Variants in ZDHHC14 observed in about 807,000 individuals in gnomAD.
The protein encoded by ZDHHC14 is zDHHC palmitoyltransferase 14.
A neutral mutation model predicts 47.7 loss-of-function variants in ZDHHC14; 16 were observed. That is an observed-to-expected ratio of 0.34 (90% CI 0.23 to 0.51). The LOEUF (loss-of-function observed/expected upper bound fraction) is 0.51, where lower values mean the gene tolerates loss of function less well. Among genes scored for constraint, ZDHHC14 ranks in the 20% least tolerant of loss-of-function variants. The pLI is 0.97. For missense variants in ZDHHC14, 515 were observed against 662.5 expected (o/e 0.78, Z 2.44); for synonymous variants, 293 against 278.9 (o/e 1.05, Z -0.50).
At chr6:157,567,433 G>A (rs1374396069) in intron 2 of ZDHHC14, among the ~76,000 whole-genome samples, 1 of 152,180 alleles carries the variant, frequency 6.6e-6, no homozygotes, top group Non-Finnish European at 1.5e-5. Flanking sequence ...TGTGGTTGCG[G>A]GCTTGGTTCA....
Position 157,672,850 on chromosome 6 carries a change from ACGCCCTGCGCCAGCCTCACACTGGGCC to A in ZDHHC14, c.1201_1227del (p.Cys401_Pro409del), listed in dbSNP as rs1337034260. 1 of 1,610,078 alleles carries A rather than the reference ACGCCCTGCGCCAGCCTCACACTGGGCC, an allele frequency of 6.2e-7. No homozygotes were observed. The highest frequency in any genetic ancestry group is 8.5e-7 in the Non-Finnish European group (1 of 1,178,954). The stretch of plus-strand genomic sequence containing the variant: ...CCTGCCCGGGAAGCCTGGCCTGGGC[ACGCCCTGCGCCAGCCTCACACTGGGCC>A]CGCCCACACCGCCCGCCTCCATGCC... On this transcript the variant is annotated inframe_deletion, in exon 9 of 9. Transcript: ENST00000359775.
chr6:157,645,860 G>A (rs544067425), intron 6 of ZDHHC14, 21 bp downstream of exon 6: 38 of 1,605,764 alleles, frequency 2.4e-5, no homozygotes, highest in Non-Finnish European at 3.2e-5. Context: ...GACCACACGG[G>A]ACACGGGCGT....
At chr6:157,607,545 T>A (rs562925777) in intron 3 of ZDHHC14, among the ~76,000 whole-genome samples, 9 of 152,172 alleles carry the variant, frequency 5.9e-5, no homozygotes, top group Non-Finnish European at 1.3e-4. Context: ...CTGCCTGGCC[T>A]GGGGTTTTCT....
chr6:157,607,514 A>G (rs35215373), intron 3 of ZDHHC14, among the ~76,000 whole-genome samples: 99,393 of 152,080 alleles, frequency 0.65, 32,727 homozygotes, highest in South Asian at 0.8. Flanking sequence ...GGTAGGGAGG[A>G]AGGACCACCT....
At chr6:157,665,921 C>G (rs958237087) in intron 8 of ZDHHC14, among the ~76,000 whole-genome samples, 2 of 152,128 alleles carry the variant, frequency 1.3e-5, no homozygotes, top group African/African-American at 4.8e-5. Flanking sequence ...ATCTGAACTC[C>G]TATGAAATTT....
intron 2 of ZDHHC14, among the ~76,000 whole-genome samples, chr6:157,577,329 G>T (rs1176355443): frequency 6.6e-6 from 1 of 152,160 alleles, no homozygotes; most frequent in Non-Finnish European, 1.5e-5. Context: ...GAACATACAT[G>T]TGCATGTGTC....
chr6:157,391,965 T>C (rs1777427147), intron 1 of ZDHHC14, among the ~76,000 whole-genome samples: 2 of 152,374 alleles, frequency 1.3e-5, no homozygotes, highest in South Asian at 4.1e-4. Context: ...ATGCCCAGTT[T>C]ATTCGTCTCT....
At chr6:157,438,474 A>G (rs961063333) in intron 1 of ZDHHC14, among the ~76,000 whole-genome samples, 1 of 152,242 alleles carries the variant, frequency 6.6e-6, no homozygotes, top group Non-Finnish European at 1.5e-5. Flanking sequence ...TGCCACGTGC[A>G]GACATCTCTA....
chr6:157,537,492 C>T (rs1245594610), intron 1 of ZDHHC14, among the ~76,000 whole-genome samples: 3 of 152,106 alleles, frequency 2.0e-5, no homozygotes, highest in Non-Finnish European at 2.9e-5. Flanking sequence ...TTTTAGTATC[C>T]GGTGCTAAAT....
At chr6:157,447,095 A>T (rs992440302) in intron 1 of ZDHHC14, among the ~76,000 whole-genome samples, 5 of 152,074 alleles carry the variant, frequency 3.3e-5, no homozygotes, top group African/African-American at 1.2e-4. Context: ...TTCAGCCCGG[A>T]TGATGTGATG....
In ZDHHC14 at chr6:157,593,177, AG is replaced by A. The variant is rs1249508012; in HGVS notation, c.565+32del. Reference sequence around the variant, plus strand: ...TAGTGCCTGGGCGGAGCCTGGCGGGAGCCCGGGTCCTCCGGGTGGGTTTGCG... The same window carrying A: ...TAGTGCCTGGGCGGAGCCTGGCGGGACCCGGGTCCTCCGGGTGGGTTTGCG... On this transcript the variant is annotated intron_variant, in intron 3 of 8. Transcript: ENST00000359775. 13 of 1,588,238 alleles carry A rather than the reference AG, an allele frequency of 8.2e-6. No individual in the cohort carries two copies. In the Admixed American group the frequency reaches 1.6e-4, roughly 20 times the overall value.
Position 157,647,366 on chromosome 6 carries a change from A to G in ZDHHC14, c.963A>G (p.Pro321=). 1 of 1,612,058 alleles carries G rather than the reference A, an allele frequency of 6.2e-7. No individual in the cohort carries two copies. Among genetic ancestry groups the G allele is most frequent in the South Asian group, 1.1e-5 (1 of 90,868 alleles). Residue 321 remains proline, a splice_region_variant and synonymous_variant, in exon 7 of 9, where the codon CCA becomes CCG. Coordinates refer to ENST00000359775, the MANE Select transcript of ZDHHC14 (RefSeq NM_024630.3). The stretch of plus-strand genomic sequence containing the variant: ...TTGCCCTGTGTGGGCCCATCTCACC[A>G]AGGTAAGACTCAGGACGCATCGTGC... ...CCVALCGPIS[P]SLIDRRGYIQ...
At chr6:157,395,311 C>T (rs1013510062) in intron 1 of ZDHHC14, among the ~76,000 whole-genome samples, 2 of 151,256 alleles carry the variant, frequency 1.3e-5, no homozygotes, top group African/African-American at 4.9e-5. Context: ...CAGGCACACA[C>T]CACCACACCT....
chr6:157,645,925 C>G, intron 6 of ZDHHC14, 86 bp downstream of exon 6: 1 of 1,206,394 alleles, frequency 8.3e-7, no homozygotes, highest in Non-Finnish European at 1.2e-6. Flanking sequence ...TTGAGCCCAG[C>G]TTTTCCCATA....
chr6:157,672,850 A>C lies in ZDHHC14; in HGVS notation c.1195A>C (p.Thr399Pro), dbSNP rs1034353868. 1 of 1,610,078 alleles carries C rather than the reference A, an allele frequency of 6.2e-7. No homozygotes were observed. The highest frequency in any genetic ancestry group is 1.1e-5 in the South Asian group (1 of 90,776). ...LHLPGKPGLG[T>P]PCASLTLGPP... ...CCTGCCCGGGAAGCCTGGCCTGGGC[A>C]CGCCCTGCGCCAGCCTCACACTGGG... Residue 399 changes from threonine to proline, a missense_variant, in exon 9 of 9, where the codon ACG (threonine) becomes CCG (proline). Coordinates refer to ENST00000359775, the MANE Select transcript of ZDHHC14 (RefSeq NM_024630.3).
At chr6:157,612,843 GAA>G (rs67622838) in intron 3 of ZDHHC14, among the ~76,000 whole-genome samples, 133 of 147,644 alleles carry the variant, frequency 9.0e-4, no homozygotes, top group African/African-American at 2.3e-3. Context: ...CTCTCTTAGA[GAA>G]AAAAAAAAAA....
intron 2 of ZDHHC14, among the ~76,000 whole-genome samples, chr6:157,562,083 G>A (rs1782729868): frequency 6.6e-6 from 1 of 152,202 alleles, no homozygotes; most frequent in Admixed American, 6.5e-5. Context: ...CACAGGGAAG[G>A]GGCAGAAGAT....
chr6:157,494,165 C>A (rs1440781667), intron 1 of ZDHHC14, among the ~76,000 whole-genome samples: 2 of 152,220 alleles, frequency 1.3e-5, no homozygotes, highest in Admixed American at 1.3e-4. Context: ...ACTTGATCAC[C>A]TCTGAGTTCC....
At chr6:157,616,258 A>G (rs1205000723) in intron 3 of ZDHHC14, among the ~76,000 whole-genome samples, 8 of 150,974 alleles carry the variant, frequency 5.3e-5, no homozygotes, top group African/African-American at 1.7e-4. Context: ...CAGAGAGACC[A>G]TGACCACCTC....
Sources: gnomAD v4.1 joint callset for allele counts (sites outside exome capture counted in the v4.1 genomes callset) on GRCh38, gnomAD v4.1.1 for gene constraint, MANE v1.5 for transcripts, NCBI Gene and HGNC (gene_info 2026-07-23, HGNC 2026-07-21) for gene names.